STXBP5L: variants seen among roughly 807,000 people sequenced by gnomAD.
STXBP5L encodes syntaxin-binding protein 5-like.
STXBP5L carries 65 observed loss-of-function variants against 144.5 expected under a neutral mutation model. That is an observed-to-expected ratio of 0.45 (90% CI 0.37 to 0.55). The LOEUF (loss-of-function observed/expected upper bound fraction) is 0.55. Among genes scored for constraint, STXBP5L ranks in the 20% least tolerant of loss-of-function variants. The pLI is 0.00. For synonymous variants in STXBP5L, 505 were observed against 469.6 expected, an observed-to-expected ratio of 1.08 and a Z score of -0.97; for missense variants, 1,298 against 1,405.5, an observed-to-expected ratio of 0.92 and a Z score of 1.22.
At chr3:121,381,742 G>A (rs986663366) in intron 22 of STXBP5L, among the ~76,000 whole-genome samples, 8 of 152,064 alleles carry the variant, frequency 5.3e-5, no homozygotes, top group East Asian at 1.9e-4. Flanking sequence ...CCATTTCTTC[G>A]GTAGTAAACT....
chr3:121,344,158 G>T (rs570916055), intron 20 of STXBP5L, among the ~76,000 whole-genome samples: 2 of 151,876 alleles, frequency 1.3e-5, no homozygotes, highest in Admixed American at 6.6e-5. Context: ...AAAGGATTCC[G>T]TATTTAATAA....
chr3:121,089,494 A>C (rs181026786), intron 5 of STXBP5L, among the ~76,000 whole-genome samples: 1 of 148,950 alleles, frequency 6.7e-6, no homozygotes, highest in African/African-American at 2.5e-5. Context: ...TCCCATAGTT[A>C]AGGTGTTGTT....
intron 5 of STXBP5L, among the ~76,000 whole-genome samples, chr3:121,092,771 C>G (rs556941003): frequency 7.2e-5 from 11 of 152,298 alleles, no homozygotes; most frequent in African/African-American, 2.2e-4. Context: ...ATTTCCTTCT[C>G]CTGTCTAATT....
chr3:121,165,604 A>G (rs552191150), intron 9 of STXBP5L, among the ~76,000 whole-genome samples: 1 of 152,306 alleles, frequency 6.6e-6, no homozygotes, highest in Admixed American at 6.5e-5. Context: ...TTAGGCTCGC[A>G]GACACTTTGA....
At chr3:121,141,853 T>C (rs980004972) in intron 7 of STXBP5L, among the ~76,000 whole-genome samples, 2 of 151,148 alleles carry the variant, frequency 1.3e-5, no homozygotes, top group Non-Finnish European at 3.0e-5. Context: ...GACAAAAGGG[T>C]TATAAGACAA....
At chr3:121,381,240 A>C in intron 21 of STXBP5L, 53 bp from the exon 22 acceptor site, 1 of 1,494,786 alleles carries the variant, frequency 6.7e-7, no homozygotes, top group Non-Finnish European at 9.0e-7. Flanking sequence ...ATCTGATGTT[A>C]TTGTGGAAAT....
At chr3:121,313,227 C>A (rs1363791841) in intron 19 of STXBP5L, among the ~76,000 whole-genome samples, 7 of 132,280 alleles carry the variant, frequency 5.3e-5, no homozygotes, top group East Asian at 2.5e-4. Flanking sequence ...TGACCCCCCC[C>A]ACCTCCCTCC....
chr3:120,908,848 G>C (rs1400661331), intron 1 of STXBP5L, among the ~76,000 whole-genome samples: 2 of 149,774 alleles, frequency 1.3e-5, no homozygotes, highest in Non-Finnish European at 1.5e-5. Context: ...AAGAGGACGC[G>C]GGGAGGGAGA....
intron 8 of STXBP5L, among the ~76,000 whole-genome samples, 196 bp downstream of exon 8, chr3:121,152,756 C>T (rs151197624): frequency 6.6e-6 from 1 of 152,206 alleles, no homozygotes; most frequent in African/African-American, 2.4e-5. Flanking sequence ...TCTGCCTTGA[C>T]TGCCTATTTC....
intron 3 of STXBP5L, among the ~76,000 whole-genome samples, chr3:120,992,372 TCTG>T (rs1942986007): frequency 6.6e-6 from 1 of 152,084 alleles, no homozygotes; most frequent in African/African-American, 2.4e-5. Flanking sequence ...ATCACCCTAC[TCTG>T]CTATTGAACA....
At chr3:121,417,416 G>T (rs1161075462) in intron 25 of STXBP5L, among the ~76,000 whole-genome samples, 1 of 151,532 alleles carries the variant, frequency 6.6e-6, no homozygotes. Context: ...TTACATCCTT[G>T]GGAATTCTAA....
At chr3:121,007,576 TTCTCC>T (rs1353272829) in intron 3 of STXBP5L, among the ~76,000 whole-genome samples, 1 of 152,068 alleles carries the variant, frequency 6.6e-6, no homozygotes, top group Non-Finnish European at 1.5e-5. Context: ...AGCAGCATTA[TTCTCC>T]TCAGGAATGA....
intron 18 of STXBP5L, among the ~76,000 whole-genome samples, chr3:121,271,247 G>A (rs2050726510): frequency 6.6e-6 from 1 of 152,092 alleles, no homozygotes; most frequent in African/African-American, 2.4e-5. Flanking sequence ...TATTCAGTGA[G>A]TTAAGATCTG....
At chr3:121,033,572 TA>T (rs11334060) in intron 3 of STXBP5L, among the ~76,000 whole-genome samples, 31,263 of 141,286 alleles carry the variant, frequency 0.22, 3,499 homozygotes, top group Non-Finnish European at 0.26. Flanking sequence ...AAAGTACAAT[TA>T]AAAAAAAAAA....
At chr3:121,016,500 A>T (rs1018069331) in intron 3 of STXBP5L, among the ~76,000 whole-genome samples, 1 of 152,190 alleles carries the variant, frequency 6.6e-6, no homozygotes, top group African/African-American at 2.4e-5. Context: ...TTAGACTCAG[A>T]CATAGAATGA....
At chr3:121,349,403 G>A (rs1330992958) in intron 20 of STXBP5L, among the ~76,000 whole-genome samples, 9 of 149,896 alleles carry the variant, frequency 6.0e-5, no homozygotes, top group Non-Finnish European at 1.3e-4. Context: ...TGGAATAGGT[G>A]TGGTGTGGTG....
At chr3:121,339,827 A>C (rs200804186) in intron 20 of STXBP5L, among the ~76,000 whole-genome samples, 2 of 146,388 alleles carry the variant, frequency 1.4e-5, no homozygotes, top group African/African-American at 5.1e-5. Flanking sequence ...AAAAAAAAAA[A>C]ACTAGGAATA....
intron 20 of STXBP5L, among the ~76,000 whole-genome samples, chr3:121,375,830 CATG>C (rs1389821526): frequency 6.6e-6 from 1 of 152,094 alleles, no homozygotes; most frequent in Non-Finnish European, 1.5e-5. Context: ...GGCCAATAAA[CATG>C]ATTTTTCTCT....
In STXBP5L at chr3:121,157,546, A is replaced by G; in HGVS notation, c.796A>G (p.Met266Val). The G allele has an allele frequency of 6.2e-7, 1 of 1,602,210 alleles. No homozygotes were observed. Among genetic ancestry groups the G allele is most frequent in the Non-Finnish European group, 8.5e-7 (1 of 1,175,474 alleles). ...IDWHHEGKQF[M>V]CSHSDGSLTL... ...TTGGCATCATGAGGGCAAACAGTTC[A>G]TGTGCAGCCATTCAGATGGTAGTTT... The change falls in exon 9 of 27, where the codon ATG (methionine) becomes GTG (valine). Residue 266 changes from methionine (M) to valine (V), a missense_variant. Coordinates refer to ENST00000471454, the MANE Select transcript of STXBP5L (RefSeq NM_001308330.2).
Sources: gnomAD v4.1 joint callset for allele counts (sites outside exome capture counted in the v4.1 genomes callset) on GRCh38, gnomAD v4.1.1 for gene constraint, MANE v1.5 for transcripts, NCBI Gene and HGNC (gene_info 2026-07-23, HGNC 2026-07-21) for gene names.